Variants in SMARCD3 observed in about 807,000 individuals in gnomAD.
The protein encoded by SMARCD3 is SWI/SNF-related matrix-associated actin-dependent regulator of chromatin subfamily D member 3.
A neutral mutation model predicts 58.0 loss-of-function variants in SMARCD3; 14 were observed. The ratio of observed to expected loss-of-function variants is 0.24; its 90% CI spans 0.16 to 0.38. SMARCD3 has a LOEUF of 0.38. Ranked by LOEUF, SMARCD3 falls within the 10% of genes least tolerant of loss-of-function variation. SMARCD3 has a pLI of 1.00. For synonymous variants in SMARCD3, 253 were observed against 253.8 expected (o/e 1.00, Z 0.03); for missense variants, 408 against 636.9 (o/e 0.64, Z 3.87).
Position 151,239,461 on chromosome 7 carries a change from G to A in SMARCD3, c.1333C>T (p.Arg445Cys), listed in dbSNP as rs913580776. ...GGCTGGTGGTAGAACTCAGCCCGGCGCTCCTCTTCAGGGTTGCCGGCTACA... is the reference window on the plus strand; with the variant it reads ...GGCTGGTGGTAGAACTCAGCCCGGCACTCCTCTTCAGGGTTGCCGGCTACA... ...TDVAGNPEEERRAEFYHQPWS... is the reference protein window; with the variant it reads ...TDVAGNPEEECRAEFYHQPWS... Residue 445 changes from arginine (R) to cysteine (C), a missense_variant, in exon 12 of 13, where the codon CGC becomes TGC. Coordinates refer to ENST00000262188, the MANE Select transcript of SMARCD3 (RefSeq NM_001003801.2). The surrounding 1 kb of genome is among the most constrained non-coding windows in gnomAD (Gnocchi z 7.0). 2.5e-6 allele frequency: 4 copies of A among 1,613,764 alleles called. No individual in the cohort carries two copies. Among genetic ancestry groups the A allele is most frequent in the Non-Finnish European group, 3.4e-6 (4 of 1,179,954 alleles).
intron 2 of SMARCD3, among the ~76,000 whole-genome samples, chr7:151,259,614 T>TTTTTTG (rs1803847720): frequency 8.5e-6 from 1 of 118,160 alleles, no homozygotes; most frequent in African/African-American, 3.6e-5. Flanking sequence ...TTTTTTTTTT[T>TTTTTTG]TTTTTTTTTT....
chr7:151,254,751 C>T (rs948946330), intron 2 of SMARCD3, among the ~76,000 whole-genome samples: 4 of 152,182 alleles, frequency 2.6e-5, no homozygotes, highest in African/African-American at 9.7e-5. Context: ...AGTGGCCCAG[C>T]GTCCTGCCCC....
chr7:151,256,628 G>A (rs1418943484), intron 2 of SMARCD3, among the ~76,000 whole-genome samples: 5 of 152,050 alleles, frequency 3.3e-5, no homozygotes, highest in Non-Finnish European at 4.4e-5. Context: ...CGTGCTGCCC[G>A]GCAGGCCACT....
rs533226159 is a variant in SMARCD3 at position 151,243,332 on chromosome 7, T to C, written c.333+327A>G. Among the ~76,000 whole-genome samples the C allele has an allele frequency of 6.6e-6, 1 of 152,290 alleles. No individual in the cohort carries two copies. The highest frequency in any genetic ancestry group is 2.4e-5 in the African/African-American group (1 of 41,568). On this transcript the variant is annotated intron_variant, in intron 3 of 12. Coordinates refer to ENST00000262188, the MANE Select transcript of SMARCD3 (RefSeq NM_001003801.2). This position sits in a 1 kb window ranked among gnomAD's most constrained non-coding sequence, Gnocchi z 4.4. ...CTGGACCTGGGTCTCTTTAGGATGC[T>C]CAGGATCTCTGGCCACCTTCTATCC...
In SMARCD3 at chr7:151,248,380, AG is replaced by A. The variant is rs1803377959; in HGVS notation, c.78+104del. The A allele has an allele frequency of 2.1e-6, 2 of 974,736 alleles. No individual in the cohort carries two copies. The highest frequency in any genetic ancestry group is 2.9e-5 in the South Asian group (2 of 69,708). 60.4% of individuals were successfully genotyped at this position (974,736 alleles called of 1,614,324 possible). On this transcript the variant is annotated intron_variant, in intron 1 of 12. Transcript: ENST00000262188. This position sits in a 1 kb window ranked among gnomAD's most constrained non-coding sequence, Gnocchi z 6.1. ...GCCGTGGGCCATGACGCCCCCCACT[AG>A]AGGGGTGGGAGAGCGGGAGCGCCCT... is the stretch of plus-strand genomic sequence containing the variant.
intron 2 of SMARCD3, among the ~76,000 whole-genome samples, chr7:151,264,630 A>T (rs1804025642): frequency 6.6e-6 from 1 of 152,078 alleles, no homozygotes; most frequent in South Asian, 2.1e-4. Context: ...TCAGCAGGCC[A>T]CCTCCTTCTC....
chr7:151,267,546 C>A (rs1795034979), intron 2 of SMARCD3, among the ~76,000 whole-genome samples: 2 of 152,210 alleles, frequency 1.3e-5, no homozygotes, highest in African/African-American at 4.8e-5. Context: ...CTGCCCTTCC[C>A]ATTAGCAGCC....
In SMARCD3 at chr7:151,241,597, C is replaced by G. The variant is rs143377555; in HGVS notation, c.834G>C (p.Gln278His). 86 of 1,611,414 alleles carry G rather than the reference C, an allele frequency of 5.3e-5. No homozygotes were observed. The highest frequency in any genetic ancestry group is 1.1e-4 in the African/African-American group (8 of 75,012). The change falls in exon 8 of 13, where the codon CAG (glutamine) becomes CAC (histidine). Residue 278 changes from glutamine (Q) to histidine (H), a missense_variant. Physicochemically the swap from Gln to His is conservative, Grantham distance 24. This residue lies in a region of SMARCD3 where 115 missense variants were observed against 257.2 expected (regional missense o/e 0.45). Transcript: ENST00000262188. The surrounding 1 kb of genome is among the most constrained non-coding windows in gnomAD (Gnocchi z 5.3). The part of the protein sequence containing the change: ...RLARLLGLHT[Q>H]SRSAIVQALW... ...GGGCCTGGACAATGGCTGAGCGGCT[C>G]TGTGTGTGCAGCCCCAGCAGCCGGG... is the stretch of plus-strand genomic sequence containing the variant.
intron 2 of SMARCD3, among the ~76,000 whole-genome samples, chr7:151,262,828 G>A (rs997547832): frequency 1.3e-5 from 2 of 152,188 alleles, no homozygotes; most frequent in African/African-American, 2.4e-5. Context: ...TGGGTCTCAG[G>A]GGCTGTGCCT....
upstream of SMARCD3, among the ~76,000 whole-genome samples, chr7:151,251,919 G>C (rs1418741303): frequency 6.8e-6 from 1 of 146,772 alleles, no homozygotes; most frequent in African/African-American, 2.5e-5. Flanking sequence ...GGGGGGCTCG[G>C]GCCGGCCCGG....
intron 2 of SMARCD3, among the ~76,000 whole-genome samples, chr7:151,257,753 C>T (rs75691319): frequency 1.1e-3 from 161 of 152,262 alleles, no homozygotes; most frequent in Admixed American, 1.6e-3. Flanking sequence ...GTTCTCCTTC[C>T]CTCTCCATGC....
intron 2 of SMARCD3, among the ~76,000 whole-genome samples, chr7:151,244,352 G>T (rs983679415): frequency 6.6e-6 from 1 of 152,192 alleles, no homozygotes; most frequent in African/African-American, 2.4e-5. Context: ...AAATTGACTA[G>T]GCCCGGGGTA....
chr7:151,264,695 C>T (rs557137552), intron 2 of SMARCD3, among the ~76,000 whole-genome samples: 1 of 152,310 alleles, frequency 6.6e-6, no homozygotes, highest in South Asian at 2.1e-4. Context: ...CTGGGGAGCC[C>T]AGTGGAGCTG....
intron 2 of SMARCD3, among the ~76,000 whole-genome samples, chr7:151,244,648 G>A (rs1313008738): frequency 1.3e-5 from 2 of 152,198 alleles, no homozygotes; most frequent in Admixed American, 6.5e-5. Context: ...ACAAAATGAC[G>A]ATGCACTTTA....
In SMARCD3 at chr7:151,241,194, G is replaced by A; in HGVS notation, c.939+298C>T. On this transcript the variant is annotated intron_variant, in intron 8 of 12. Coordinates refer to ENST00000262188, the MANE Select transcript of SMARCD3 (RefSeq NM_001003801.2). The surrounding 1 kb of genome is among the most constrained non-coding windows in gnomAD (Gnocchi z 5.3). ...GTCCAGACTCAGGACTAGAACCTGG[G>A]GATCCTAACTCCAAGTGCCAAGAAT... 1 of 425,428 alleles carries A rather than the reference G, an allele frequency of 2.4e-6. No individual in the cohort carries two copies. Among genetic ancestry groups the A allele is most frequent in the South Asian group, 2.1e-5 (1 of 47,112 alleles). The allele number at this position is 425,428 out of a possible 1,614,324, so 26.4% of individuals were successfully genotyped here.
chr7:151,274,021 T>G (rs1795257443), intron 2 of SMARCD3, among the ~76,000 whole-genome samples: 1 of 152,242 alleles, frequency 6.6e-6, no homozygotes, highest in Admixed American at 6.5e-5. Flanking sequence ...GCCCCAGGCC[T>G]CCCCGAGCCT....
At chr7:151,274,667 G>A (rs961024927) in intron 2 of SMARCD3, among the ~76,000 whole-genome samples, 16 of 152,382 alleles carry the variant, frequency 1.0e-4, no homozygotes, top group Admixed American at 9.8e-4. Context: ...CAGAGAGCAT[G>A]TGGTGTGTGT....
At chr7:151,269,405 C>T (rs941659887) in intron 2 of SMARCD3, among the ~76,000 whole-genome samples, 27 of 152,248 alleles carry the variant, frequency 1.8e-4, no homozygotes, top group African/African-American at 5.8e-4. Context: ...TCTCCAGGGA[C>T]CACAGGGCTC....
At chr7:151,259,613 T>TTTTTTG (rs1803847265) in intron 2 of SMARCD3, among the ~76,000 whole-genome samples, 3 of 125,942 alleles carry the variant, frequency 2.4e-5, no homozygotes, top group Admixed American at 7.6e-5. Context: ...TTTTTTTTTT[T>TTTTTTG]TTTTTTTTTT....
Sources: allele counts gnomAD v4.1 joint callset (sites outside exome capture counted in the v4.1 genomes callset), GRCh38; gene constraint gnomAD v4.1.1; regional missense constraint gnomAD v4.1.1; non-coding constraint Gnocchi (gnomAD v3.1); transcripts MANE v1.5; gene names NCBI Gene and HGNC (gene_info 2026-07-23, HGNC 2026-07-21).